Variants in CSMD1 observed in about 807,000 individuals in gnomAD.
CSMD1 encodes the protein CUB and sushi domain-containing protein 1.
A neutral mutation model predicts 417.5 loss-of-function variants in CSMD1; 213 were observed. The observed-to-expected ratio is 0.51, with a 90% CI of 0.46 to 0.57. CSMD1 has a LOEUF of 0.57. CSMD1 is among the 20% of genes least tolerant of loss of function. CSMD1 has a pLI of 0.00. For missense variants in CSMD1, 6,923 were observed against 4,529.7 expected, an observed-to-expected ratio of 1.53 and a Z score of -15.17; for synonymous variants, 2,862 against 1,736.8, an observed-to-expected ratio of 1.65 and a Z score of -16.11.
At chr8:3,990,588 G>T (rs1022269488) in intron 5 of CSMD1, among the ~76,000 whole-genome samples, 1 of 152,100 alleles carries the variant, frequency 6.6e-6, no homozygotes, top group Non-Finnish European at 1.5e-5. Flanking sequence ...TTTCAAATAC[G>T]TATTCTTTGA....
chr8:3,179,494 T>C (rs1285633486), intron 37 of CSMD1, among the ~76,000 whole-genome samples: 1 of 152,222 alleles, frequency 6.6e-6, no homozygotes, highest in Non-Finnish European at 1.5e-5. Flanking sequence ...TTTTAATGAA[T>C]GATATTGTCT....
At chr8:3,646,486 C>T (rs1766024770) in intron 7 of CSMD1, among the ~76,000 whole-genome samples, 1 of 152,138 alleles carries the variant, frequency 6.6e-6, no homozygotes, top group Non-Finnish European at 1.5e-5. Flanking sequence ...TCATTTCCTT[C>T]TGAAATGTAA....
At chr8:4,356,347 C>CAT (rs1312049532) in intron 3 of CSMD1, among the ~76,000 whole-genome samples, 1 of 151,828 alleles carries the variant, frequency 6.6e-6, no homozygotes, top group Non-Finnish European at 1.5e-5. Context: ...CACACACACA[C>CAT]ACCAGTTTCT....
At chr8:2,987,387 TAAGA>T (rs1806011967) in intron 54 of CSMD1, among the ~76,000 whole-genome samples, 1 of 148,666 alleles carries the variant, frequency 6.7e-6, no homozygotes, top group South Asian at 2.1e-4. Flanking sequence ...TATAAGTATA[TAAGA>T]AACAGAAATA....
In CSMD1 at chr8:3,857,913, A is replaced by G. The variant is rs1232347678; in HGVS notation, c.819-103871T>C. On this transcript the variant is annotated intron_variant, in intron 5 of 69. Coordinates refer to ENST00000635120, the MANE Select transcript of CSMD1 (RefSeq NM_033225.6). ...ATTGCTTCCGTCCTTAAAATTGACC[A>G]GGCTTTGGCTTCCAGCCAATCAAAT... Among the ~76,000 whole-genome samples, 6 of 152,376 alleles carry G rather than the reference A, an allele frequency of 3.9e-5. No homozygotes were observed. The East Asian group carries it at 1.2e-3, about 29-fold the overall frequency.
intron 3 of CSMD1, among the ~76,000 whole-genome samples, chr8:4,251,819 G>A (rs1189100167): frequency 2.0e-5 from 3 of 149,176 alleles, no homozygotes; most frequent in Admixed American, 6.7e-5. Flanking sequence ...ACAGATGGAG[G>A]AGGAGAGATG....
chr8:4,525,798 A>C (rs1796483873), intron 2 of CSMD1, among the ~76,000 whole-genome samples: 1 of 152,114 alleles, frequency 6.6e-6, no homozygotes, highest in African/African-American at 2.4e-5. Flanking sequence ...GGGACATGTC[A>C]ATTACTATCT....
chr8:4,653,435 T>C (rs1371610285), intron 1 of CSMD1, among the ~76,000 whole-genome samples: 1 of 152,158 alleles, frequency 6.6e-6, no homozygotes, highest in Non-Finnish European at 1.5e-5. Flanking sequence ...GAGTACCTTG[T>C]CTGTCATGTT....
chr8:3,615,580 C>A (rs1417885408), intron 8 of CSMD1, among the ~76,000 whole-genome samples: 1 of 152,138 alleles, frequency 6.6e-6, no homozygotes, highest in East Asian at 1.9e-4. Flanking sequence ...AAACAATATA[C>A]CATTTTACCA....
At chr8:3,057,715 G>A (rs1812329622) in intron 49 of CSMD1, among the ~76,000 whole-genome samples, 1 of 152,046 alleles carries the variant, frequency 6.6e-6, no homozygotes, top group Non-Finnish European at 1.5e-5. Context: ...AAAGGCTGAG[G>A]CCTCAAAACG....
At chr8:4,752,290 A>G (rs1811380156) in intron 1 of CSMD1, among the ~76,000 whole-genome samples, 1 of 152,184 alleles carries the variant, frequency 6.6e-6, no homozygotes. Context: ...ATGAGCATTT[A>G]AAATAACCCT....
intron 3 of CSMD1, among the ~76,000 whole-genome samples, chr8:4,262,271 C>T (rs545353836): frequency 1.3e-5 from 2 of 152,160 alleles, no homozygotes; most frequent in African/African-American, 4.8e-5. Context: ...TGCCCTCCCT[C>T]TGTTGAGCTT....
intron 6 of CSMD1, among the ~76,000 whole-genome samples, chr8:3,735,532 T>G (rs928096061): frequency 6.6e-6 from 1 of 152,216 alleles, no homozygotes; most frequent in Non-Finnish European, 1.5e-5. Flanking sequence ...AGTTACACAG[T>G]AAAAAGCAAA....
At chr8:3,935,126 G>C (rs182753637) in intron 5 of CSMD1, among the ~76,000 whole-genome samples, 1 of 152,042 alleles carries the variant, frequency 6.6e-6, no homozygotes, top group Non-Finnish European at 1.5e-5. Flanking sequence ...CATTTTCTCT[G>C]TATGTCAGAA....
chr8:3,108,678 T>C lies in CSMD1; in HGVS notation c.6679A>G (p.Ser2227Gly), dbSNP rs1437753315. The C allele has an allele frequency of 1.2e-6, 2 of 1,613,772 alleles. No individual in the cohort carries two copies. Among genetic ancestry groups the C allele is most frequent in the Admixed American group, 3.3e-5 (2 of 59,998 alleles). ...TTGAGCAGGACTTGGTTGGTGGAGCTATACGCCGTTTCGAGGGCTGTGTTG... is the reference window on the plus strand; with the variant it reads ...TTGAGCAGGACTTGGTTGGTGGAGCCATACGCCGTTTCGAGGGCTGTGTTG... The part of the protein sequence containing the change: ...SGNTALETAY[S>G]STNQVLLKFH... The change falls in exon 44 of 70, where the codon AGC becomes GGC. Residue 2227 changes from serine (S) to glycine (G), a missense_variant. Ser to Gly is a moderately conservative substitution (Grantham distance 56, BLOSUM62 0). Coordinates refer to ENST00000635120, the MANE Select transcript of CSMD1 (RefSeq NM_033225.6).
intron 5 of CSMD1, among the ~76,000 whole-genome samples, chr8:3,819,292 T>A (rs1801578806): frequency 6.6e-6 from 1 of 152,132 alleles, no homozygotes; most frequent in Admixed American, 6.5e-5. Context: ...ACCTCATGAA[T>A]AAGTCACAGG....
rs185588558 is a variant in CSMD1 at position 2,948,866 on chromosome 8, C to G, written c.10402+433G>C. 9.9e-5 allele frequency among the ~76,000 whole-genome samples: 15 copies of G among 152,080 alleles called. No individual in the cohort carries two copies. The East Asian group carries it at 2.5e-3, about 25-fold the overall frequency. On this transcript the variant is annotated intron_variant, in intron 68 of 69. Coordinates refer to ENST00000635120, the MANE Select transcript of CSMD1 (RefSeq NM_033225.6). Reference sequence around the variant, plus strand: ...AACCAATTATTAAAACTTTGTCATTCTGATAACTAAAAATAATCATCTTTG... The same window carrying G: ...AACCAATTATTAAAACTTTGTCATTGTGATAACTAAAAATAATCATCTTTG...
intron 6 of CSMD1, among the ~76,000 whole-genome samples, chr8:3,720,620 T>TTCTCTCTCACACAC (rs72331833): frequency 3.5e-5 from 5 of 143,322 alleles, no homozygotes; most frequent in Admixed American, 7.0e-5. Context: ...TCTTTATTCT[T>TTCTCTCTCACACAC]ACACACACAC....
At position 4,009,804 on chromosome 8, in the gene CSMD1, C is replaced by T. The variant is rs185043753; in HGVS notation, c.611-11694G>A. 7.9e-5 allele frequency among the ~76,000 whole-genome samples: 12 copies of T among 152,172 alleles called. No individual in the cohort carries two copies. The East Asian group carries it at 9.7e-4, about 12-fold the overall frequency. ...GACATGGACCATTCCTGCTCCATCC[C>T]CCTCCCTCCTGTTCTCAGAGAGTCA... On this transcript the variant is annotated intron_variant, in intron 4 of 69. Coordinates refer to ENST00000635120, the MANE Select transcript of CSMD1 (RefSeq NM_033225.6).
Sources: allele counts gnomAD v4.1 joint callset (sites outside exome capture counted in the v4.1 genomes callset), GRCh38; gene constraint gnomAD v4.1.1; transcripts MANE v1.5; gene names NCBI Gene and HGNC (gene_info 2026-07-23, HGNC 2026-07-21).